SEM1: variants seen among roughly 807,000 people sequenced by gnomAD.
SEM1 encodes the protein SEM1 26S proteasome subunit.
A neutral mutation model predicts 12.7 loss-of-function variants in SEM1; 3 were observed. The observed-to-expected ratio is 0.24, with a 90% CI of 0.11 to 0.61. SEM1 has a LOEUF of 0.61. SEM1 is among the 20% of genes least tolerant of loss of function. The pLI, the probability that SEM1 is intolerant of heterozygous loss-of-function variation, is 0.88. For missense variants in SEM1, 59 were observed against 81.3 expected (o/e 0.73, Z 1.06); for synonymous variants, 30 against 27.8 (o/e 1.08, Z -0.25).
intron 2 of SEM1, among the ~76,000 whole-genome samples, chr7:96,543,376 G>T (rs1373936044): frequency 1.3e-5 from 2 of 151,820 alleles, no homozygotes; most frequent in African/African-American, 2.4e-5. Context: ...GGTATTTGCA[G>T]GGGTTCCTAG....
In SEM1 at chr7:96,571,998, C is replaced by G. The variant is rs569395408; in HGVS notation, c.171-65300G>C. 2.5e-3 allele frequency among the ~76,000 whole-genome samples: 384 copies of G among 152,170 alleles called. 7 individuals carry two copies. The highest frequency in any genetic ancestry group is 1.8e-3 in the Non-Finnish European group (124 of 68,024). The stretch of plus-strand genomic sequence containing the variant: ...GTCTATTGAGGGATTTGACTTCTTC[C>G]TGGTTTAGTCTTGGGAGAGTGTACA... On this transcript the variant is annotated intron_variant and NMD_transcript_variant, in intron 2 of 3. Coordinates refer to the SEM1 transcript ENST00000466986.
chr7:96,572,136 TTCA>T (rs1806053872), intron 2 of SEM1, among the ~76,000 whole-genome samples: 1 of 152,172 alleles, frequency 6.6e-6, no homozygotes, highest in Admixed American at 6.5e-5. Context: ...TGATATCCTC[TTCA>T]TCATTTTTTA....
At chr7:96,522,953 C>A (rs1804333382) in intron 2 of SEM1, among the ~76,000 whole-genome samples, 1 of 149,060 alleles carries the variant, frequency 6.7e-6, no homozygotes, top group Admixed American at 6.7e-5. Context: ...TGATACCATT[C>A]TTCTTGGATC....
chr7:96,625,745 G>A lies in SEM1; in HGVS notation c.171-3102C>T, dbSNP rs747155967. Among the ~76,000 whole-genome samples the A allele has an allele frequency of 2.0e-5, 3 of 152,200 alleles. No individual in the cohort carries two copies. In the East Asian group the frequency reaches 5.8e-4, roughly 29 times the overall value. ...AGACCATACTTTGATTTGCAGGAGT[G>A]TAGAACAGCAGTTCTTAAATTTGGC... On this transcript the variant is annotated intron_variant, in intron 2 of 2. Coordinates refer to the SEM1 transcript ENST00000417009.
chr7:96,486,361 A>G (rs1294120919), exon 2 of SEM1: 2 of 1,536,884 alleles, frequency 1.3e-6, no homozygotes, highest in Non-Finnish European at 1.7e-6. Flanking sequence ...TTTTTATGCC[A>G]TGCTTTCTTC....
chr7:96,484,480 G>T (rs545967692), intron 3 of SEM1, among the ~76,000 whole-genome samples: 2 of 152,298 alleles, frequency 1.3e-5, no homozygotes, highest in South Asian at 4.1e-4. Context: ...GTGGCTACAT[G>T]TGTCTCACTC....
chr7:96,497,020 C>A (rs924376744), upstream of SEM1, among the ~76,000 whole-genome samples: 2 of 152,018 alleles, frequency 1.3e-5, no homozygotes, highest in African/African-American at 4.8e-5. Context: ...CACACACACA[C>A]ACACACACAC....
intron 1 of SEM1, among the ~76,000 whole-genome samples, chr7:96,700,249 T>A (rs1323334194): frequency 6.6e-6 from 1 of 151,998 alleles, no homozygotes; most frequent in African/African-American, 2.4e-5. Context: ...ATGAGAGAGG[T>A]GAGTAGAGAA....
At chr7:96,646,365 T>C (rs1055608142) in intron 2 of SEM1, among the ~76,000 whole-genome samples, 6 of 152,204 alleles carry the variant, frequency 3.9e-5, no homozygotes, top group South Asian at 2.1e-4. Flanking sequence ...TTTATCCAAA[T>C]CTTGCTCATT....
upstream of SEM1, among the ~76,000 whole-genome samples, chr7:96,498,096 A>G (rs934505821): frequency 1.3e-5 from 2 of 152,200 alleles, no homozygotes. Flanking sequence ...TCATTTAACT[A>G]CAGCCTTTCT....
intron 2 of SEM1, among the ~76,000 whole-genome samples, chr7:96,642,701 T>C (rs566137330): frequency 2.2e-4 from 34 of 152,152 alleles, no homozygotes; most frequent in African/African-American, 7.7e-4. Flanking sequence ...ACTTTTTGTC[T>C]TTCTCTCTTT....
At chr7:96,483,451 T>C (rs1314147112) in exon 4 of SEM1, 1 of 212,616 alleles carries the variant, frequency 4.7e-6, no homozygotes, top group Non-Finnish European at 9.6e-6. Flanking sequence ...TTAGGATGGG[T>C]AAGGTTGTGC....
chr7:96,625,967 T>C (rs574316747), intron 2 of SEM1, among the ~76,000 whole-genome samples: 109 of 152,336 alleles, frequency 7.2e-4, no homozygotes, highest in African/African-American at 2.1e-3. Context: ...AATCACATGA[T>C]GTAAAATGGG....
chr7:96,702,739 C>G (rs1332917222), intron 1 of SEM1, among the ~76,000 whole-genome samples: 6 of 152,170 alleles, frequency 3.9e-5, no homozygotes, highest in Non-Finnish European at 7.3e-5. Flanking sequence ...AATGGAAAGG[C>G]CTAACAAACA....
intron 2 of SEM1, among the ~76,000 whole-genome samples, chr7:96,616,374 C>G (rs1807722729): frequency 6.6e-6 from 1 of 151,970 alleles, no homozygotes; most frequent in South Asian, 2.1e-4. Flanking sequence ...CCTCTGCCCA[C>G]TTTACAATGG....
rs566707320 is a variant in SEM1 at position 96,591,537 on chromosome 7, CAA to C, written c.171-84841_171-84840del. ...TGGAGTACTTTAAAAAGTTACTTAG[CAA>C]CAATATAGCTAGCTCTACACATGCA... On this transcript the variant is annotated intron_variant and NMD_transcript_variant, in intron 2 of 3. Transcript: ENST00000466986. Among the ~76,000 whole-genome samples, 471 of 151,858 alleles carry C rather than the reference CAA, an allele frequency of 3.1e-3. 2 individuals are homozygous for C. Among genetic ancestry groups the C allele is most frequent in the South Asian group, 0.013 (60 of 4,766 alleles).
chr7:96,705,359 CAAAA>C (rs34525327), intron 1 of SEM1, among the ~76,000 whole-genome samples: 1 of 142,188 alleles, frequency 7.0e-6, no homozygotes. Flanking sequence ...GCTTCTCTCT[CAAAA>C]AAAAAAAAAA....
At chr7:96,503,843 C>G (rs1803656832) in intron 3 of SEM1, among the ~76,000 whole-genome samples, 1 of 152,012 alleles carries the variant, frequency 6.6e-6, no homozygotes, top group South Asian at 2.1e-4. Context: ...TCACCATGAC[C>G]TTTTCTTCAG....
chr7:96,677,110 C>A (rs1171043614), intron 2 of SEM1, among the ~76,000 whole-genome samples: 3 of 152,152 alleles, frequency 2.0e-5, no homozygotes, highest in African/African-American at 7.2e-5. Flanking sequence ...AGGTCAACAG[C>A]ACTCAGCAGA....
Sources: allele counts gnomAD v4.1 joint callset (sites outside exome capture counted in the v4.1 genomes callset), GRCh38; gene constraint gnomAD v4.1.1; transcripts MANE v1.5; gene names NCBI Gene and HGNC (gene_info 2026-07-23, HGNC 2026-07-21).